The following ADAMTS12 variants were observed in gnomAD, a reference collection of about 807,000 sequenced individuals.
ADAMTS12 encodes the protein ADAM metallopeptidase with thrombospondin type 1 motif 12, also known as A disintegrin and metalloproteinase with thrombospondin motifs 12.
ADAMTS12 carries 118 observed loss-of-function variants against 167.8 expected under a neutral mutation model. The ratio of observed to expected loss-of-function variants is 0.70; its 90% CI spans 0.61 to 0.82. The LOEUF (loss-of-function observed/expected upper bound fraction) is 0.82. ADAMTS12 is among the 40% of genes least tolerant of loss of function. ADAMTS12 has a pLI of 0.00. For missense variants in ADAMTS12, 1,916 were observed against 1,998.8 expected (o/e 0.96, Z 0.79); for synonymous variants, 704 against 716.9 (o/e 0.98, Z 0.29).
At chr5:33,527,722 T>C (rs918059216) in intron 23 of ADAMTS12, among the ~76,000 whole-genome samples, 2 of 152,214 alleles carry the variant, frequency 1.3e-5, no homozygotes, top group Admixed American at 1.3e-4. Context: ...ATCTCTGCAG[T>C]GACTTGGAAT....
chr5:33,796,227 A>G (rs1049560938), intron 2 of ADAMTS12, among the ~76,000 whole-genome samples: 7 of 152,200 alleles, frequency 4.6e-5, no homozygotes, highest in Admixed American at 2.0e-4. Context: ...TCCACCAACA[A>G]TCACAGAGTT....
intron 2 of ADAMTS12, among the ~76,000 whole-genome samples, chr5:33,846,642 T>A (rs143348854): frequency 6.2e-4 from 95 of 152,204 alleles, no homozygotes; most frequent in African/African-American, 2.2e-3. Context: ...AAGTTAGAGA[T>A]CTTGATGGGG....
At chr5:33,852,992 C>G (rs973345301) in intron 2 of ADAMTS12, among the ~76,000 whole-genome samples, 7 of 152,188 alleles carry the variant, frequency 4.6e-5, no homozygotes, top group Admixed American at 1.3e-4. Context: ...CACAGCCCCT[C>G]AGGAGCAGGG....
chr5:33,672,565 G>T (rs1418062095), intron 5 of ADAMTS12, among the ~76,000 whole-genome samples: 1 of 152,232 alleles, frequency 6.6e-6, no homozygotes, highest in African/African-American at 2.4e-5. Context: ...AGGGGGATTT[G>T]ATTGGATCTG....
At chr5:33,600,872 CAAG>C (rs1561159120) in intron 16 of ADAMTS12, among the ~76,000 whole-genome samples, 1 of 152,154 alleles carries the variant, frequency 6.6e-6, no homozygotes, top group East Asian at 1.9e-4. Flanking sequence ...ATTAACTTCA[CAAG>C]AAGAAGAGAA....
chr5:33,730,186 CA>C (rs1359886748), intron 3 of ADAMTS12, among the ~76,000 whole-genome samples: 1 of 152,094 alleles, frequency 6.6e-6, no homozygotes, highest in Non-Finnish European at 1.5e-5. Flanking sequence ...TGGGATTAGA[CA>C]CAGTTTATGC....
Position 33,592,719 on chromosome 5 carries a change from G to A in ADAMTS12, c.2654+3215C>T, listed in dbSNP as rs1169894024. ...AAAATCTCTCTCAAATACTCCTTTG[G>A]GGAAGAACACAGAATGTTGAAATTG... On this transcript the variant is annotated intron_variant, in intron 17 of 23. Coordinates refer to ENST00000504830, the MANE Select transcript of ADAMTS12 (RefSeq NM_030955.4). Among the ~76,000 whole-genome samples the A allele has an allele frequency of 2.0e-5, 3 of 151,892 alleles. No homozygotes were observed. In the East Asian group the frequency reaches 5.8e-4, roughly 29 times the overall value.
chr5:33,573,983 G>A (rs1352437814), intron 19 of ADAMTS12, among the ~76,000 whole-genome samples: 1 of 151,722 alleles, frequency 6.6e-6, no homozygotes, highest in Non-Finnish European at 1.5e-5. Context: ...GCAGCCAAAA[G>A]ACACATGAAA....
intron 5 of ADAMTS12, among the ~76,000 whole-genome samples, chr5:33,682,667 C>T (rs1284405732): frequency 3.3e-5 from 5 of 152,086 alleles, no homozygotes; most frequent in Admixed American, 6.5e-5. Context: ...ATCAAAGGTT[C>T]GACATTTCCA....
intron 21 of ADAMTS12, among the ~76,000 whole-genome samples, chr5:33,546,548 C>G (rs1382660157): frequency 6.6e-6 from 1 of 152,186 alleles, no homozygotes; most frequent in Non-Finnish European, 1.5e-5. Flanking sequence ...ATTTGCAATA[C>G]AATTTTGTTT....
At chr5:33,648,505 G>A (rs1412472022) in intron 9 of ADAMTS12, among the ~76,000 whole-genome samples, 3 of 152,202 alleles carry the variant, frequency 2.0e-5, no homozygotes, top group South Asian at 2.1e-4. Flanking sequence ...TCAAGAAAGG[G>A]AGCAATTTTA....
rs555129997 is a variant in ADAMTS12 at position 33,687,836 on chromosome 5, T to C, written c.635-3781A>G. Among the ~76,000 whole-genome samples, 3 of 152,260 alleles carry C rather than the reference T, an allele frequency of 2.0e-5. No homozygotes were observed. In the East Asian group the frequency reaches 5.8e-4, roughly 29 times the overall value. On this transcript the variant is annotated intron_variant, in intron 3 of 23. Coordinates refer to ENST00000504830, the MANE Select transcript of ADAMTS12 (RefSeq NM_030955.4). ...ACAAGAAACCAGCCCTACACATTTA[T>C]CTCTAAAGCTGATGACAAAGACAGC...
At chr5:33,860,506 A>G (rs2910634) in intron 2 of ADAMTS12, among the ~76,000 whole-genome samples, 4,768 of 152,220 alleles carry the variant, frequency 0.031, 200 homozygotes, top group East Asian at 0.2. Context: ...AAGAAATATG[A>G]GACTATGTAG....
At chr5:33,839,867 A>G (rs532485510) in intron 2 of ADAMTS12, among the ~76,000 whole-genome samples, 1 of 152,342 alleles carries the variant, frequency 6.6e-6, no homozygotes, top group East Asian at 1.9e-4. Context: ...TGGTAACTTC[A>G]TGAAACGGGA....
chr5:33,859,419 G>T (rs1301655885), intron 2 of ADAMTS12, among the ~76,000 whole-genome samples: 1 of 152,242 alleles, frequency 6.6e-6, no homozygotes, highest in Non-Finnish European at 1.5e-5. Flanking sequence ...GGAGCCCACC[G>T]CAGCTCAGCA....
intron 2 of ADAMTS12, among the ~76,000 whole-genome samples, chr5:33,753,179 G>A (rs1745056120): frequency 6.6e-6 from 1 of 152,172 alleles, no homozygotes; most frequent in South Asian, 2.1e-4. Flanking sequence ...TTGTAAAAGT[G>A]CCATGCAAAC....
intron 2 of ADAMTS12, among the ~76,000 whole-genome samples, chr5:33,835,907 ATCTCTCTCTCTCTCTCTC>A (rs60393220): frequency 1.8e-5 from 2 of 111,800 alleles, no homozygotes; most frequent in South Asian, 3.1e-4. Flanking sequence ...GATAATATCC[ATCTCTCTCTCTCTCTCTC>A]TCTCTCTCTC....
chr5:33,720,591 T>C (rs1050445558), intron 3 of ADAMTS12, among the ~76,000 whole-genome samples: 1 of 152,184 alleles, frequency 6.6e-6, no homozygotes, highest in African/African-American at 2.4e-5. Context: ...AGCAACAGTA[T>C]TGGTTCTACT....
rs763383295 is a variant in ADAMTS12 at position 33,588,781 on chromosome 5, A to ATGTC, written c.2682_2683insGACA (p.Ser895AspfsTer24). The ATGTC allele has an allele frequency of 6.2e-7, 1 of 1,613,638 alleles. No homozygotes were observed. Among genetic ancestry groups the ATGTC allele is most frequent in the South Asian group, 1.1e-5 (1 of 91,050 alleles). ...TCCCCGTGGGGCCCGCATGTCGCCG[A>ATGTC]GCATGCTTCCCACTCCCCTGCCCAC... On this transcript the variant is annotated frameshift_variant, in exon 18 of 24. Coordinates refer to ENST00000504830, the MANE Select transcript of ADAMTS12 (RefSeq NM_030955.4). LOFTEE classifies it high-confidence loss of function.
Sources: gnomAD v4.1 joint callset for allele counts (sites outside exome capture counted in the v4.1 genomes callset) on GRCh38, gnomAD v4.1.1 for gene constraint, MANE v1.5 for transcripts, NCBI Gene and HGNC (gene_info 2026-07-23, HGNC 2026-07-21) for gene names.